Variants in CPD observed in about 807,000 individuals in gnomAD.
CPD encodes the protein metallocarboxypeptidase D.
A neutral mutation model predicts 138.3 loss-of-function variants in CPD; 69 were observed. That is an observed-to-expected ratio of 0.50 (90% CI 0.41 to 0.61). The LOEUF (loss-of-function observed/expected upper bound fraction) is 0.61, where lower values mean the gene tolerates loss of function less well. Among genes scored for constraint, CPD ranks in the 20% least tolerant of loss-of-function variants. The pLI is 0.00. For synonymous variants in CPD, 651 were observed against 642.1 expected (o/e 1.01, Z -0.21); for missense variants, 1,432 against 1,733.3 (o/e 0.83, Z 3.09).
intron 2 of CPD, among the ~76,000 whole-genome samples, chr17:30,394,804 CTT>C (rs1437801667): frequency 1.4e-4 from 21 of 151,940 alleles, no homozygotes; most frequent in African/African-American, 2.4e-4. Context: ...AAAGATATGA[CTT>C]TGAGGATTTT....
chr17:30,453,881 C>T (rs1284793131), intron 14 of CPD: 1 of 152,254 alleles, frequency 6.6e-6, no homozygotes, highest in African/African-American at 2.4e-5. Flanking sequence ...GGCTTCCACC[C>T]ATTGAAGCAA....
rs1390816011 is a variant in CPD, at chr17:30,439,391, TTTC to T, written c.2230+317_2230+319del. On this transcript the variant is annotated intron_variant, in intron 9 of 20. Coordinates refer to ENST00000225719, the MANE Select transcript of CPD (RefSeq NM_001304.5). Reference sequence around the variant, plus strand: ...TTCTTTTTTTTCTTTACAACGTTACTTTCTTTTTTTTTTTTTCTTTTCTTTTTT... The same window carrying T: ...TTCTTTTTTTTCTTTACAACGTTACTTTTTTTTTTTTTTCTTTTCTTTTTT... Among the ~76,000 whole-genome samples the T allele has an allele frequency of 2.7e-4, 24 of 90,378 alleles. No individual in the cohort carries two copies. The East Asian group carries it at 9.5e-3, about 36-fold the overall frequency. The allele number at this position is 90,378 out of a possible 152,430, so 59.3% of individuals were successfully genotyped here.
intron 2 of CPD, among the ~76,000 whole-genome samples, chr17:30,396,043 A>G (rs1911498856): frequency 6.6e-6 from 1 of 152,172 alleles, no homozygotes. Context: ...TTTTCCACCT[A>G]AAATTTTTTT....
chr17:30,422,619 A>T, intron 4 of CPD, 55 bp from the exon 5 acceptor site: 1 of 1,174,504 alleles, frequency 8.5e-7, no homozygotes, highest in Non-Finnish European at 1.2e-6. Flanking sequence ...TTATAATATT[A>T]AAGCATTGTA....
chr17:30,444,101 T>A, intron 11 of CPD, 130 bp downstream of exon 11: 2 of 827,264 alleles, frequency 2.4e-6, no homozygotes, highest in Non-Finnish European at 3.7e-6. Context: ...AGTTTAGGGC[T>A]GGTTATACCT....
chr17:30,465,413 C>T lies in CPD; in HGVS notation c.*599C>T, dbSNP rs1267486300. ...CTTTCTACCTGTTCCAAGGCTAGAT[C>T]GGAACTGGTAGACTACGCTGTAAGC... On this transcript the variant is annotated 3_prime_UTR_variant, in exon 21 of 21. Coordinates refer to ENST00000225719, the MANE Select transcript of CPD (RefSeq NM_001304.5). The T allele has an allele frequency of 2.0e-5, 3 of 153,126 alleles. No homozygotes were observed. Among genetic ancestry groups the T allele is most frequent in the Admixed American group, 6.5e-5 (1 of 15,322 alleles). 9.5% of individuals were successfully genotyped at this position (153,126 alleles called of 1,614,324 possible).
At chr17:30,400,824 ATT>A (rs778290874) in intron 2 of CPD, among the ~76,000 whole-genome samples, 24 of 125,742 alleles carry the variant, frequency 1.9e-4, no homozygotes, top group Admixed American at 3.1e-4. Flanking sequence ...CGCCCGGTTA[ATT>A]TTTTTTTTTT....
At chr17:30,436,799 C>A (rs1912715727) in intron 8 of CPD, among the ~76,000 whole-genome samples, 1 of 152,174 alleles carries the variant, frequency 6.6e-6, no homozygotes, top group Admixed American at 6.6e-5. Context: ...CATGTATTCA[C>A]ACAAAAACTT....
chr17:30,396,263 C>T (rs759554464), intron 2 of CPD, among the ~76,000 whole-genome samples: 6 of 151,940 alleles, frequency 3.9e-5, no homozygotes, highest in Non-Finnish European at 7.4e-5. Flanking sequence ...TATTCCTAGA[C>T]TTTAAAATGC....
At chr17:30,402,644 G>A (rs1911704404) in intron 2 of CPD, among the ~76,000 whole-genome samples, 1 of 152,198 alleles carries the variant, frequency 6.6e-6, no homozygotes, top group Non-Finnish European at 1.5e-5. Flanking sequence ...GGTTAGTCTG[G>A]TAATTCCAGC....
At chr17:30,434,598 G>A (rs1597724003) in intron 8 of CPD, among the ~76,000 whole-genome samples, 1 of 152,206 alleles carries the variant, frequency 6.6e-6, no homozygotes, top group East Asian at 1.9e-4. Flanking sequence ...AATTTAAAAG[G>A]AGAGGATGGT....
In CPD at chr17:30,445,908, C is replaced by T. The variant is rs192769344; in HGVS notation, c.2761C>T (p.Arg921Cys). 5.0e-6 allele frequency: 8 copies of T among 1,614,110 alleles called. No homozygotes were observed. Among genetic ancestry groups the T allele is most frequent in the East Asian group, 4.5e-5 (2 of 44,890 alleles). The change falls in exon 12 of 21, where the codon CGC becomes TGC. Residue 921 changes from arginine to cysteine, a missense_variant. By Grantham distance (180) the Arg-to-Cys change is radical. Around this residue, in one of 6 missense-constraint regions of CPD, gnomAD observed 124 missense variants for 117.0 expected, o/e 1.06. Coordinates refer to ENST00000225719, the MANE Select transcript of CPD (RefSeq NM_001304.5). ...AENGLESLML[R>C]SSSNLALALY... ...GAATGGTTTGGAAAGCCTCATGTTA[C>T]GCTCCTCCTCAAATCTGGCTCTGGC...
At chr17:30,388,282 A>ACCTCCCTTG (rs1911250721) in intron 2 of CPD, among the ~76,000 whole-genome samples, 1 of 151,882 alleles carries the variant, frequency 6.6e-6, no homozygotes, top group Non-Finnish European at 1.5e-5. Context: ...AGCCTTCAGG[A>ACCTCCCTTG]CCTCCCTGGC....
chr17:30,395,177 A>G (rs1172104646), intron 2 of CPD, among the ~76,000 whole-genome samples: 2 of 150,194 alleles, frequency 1.3e-5, no homozygotes, highest in Middle Eastern at 3.3e-3. Flanking sequence ...GAACATATAT[A>G]TAAATGAACA....
chr17:30,423,673 G>C lies in CPD; in HGVS notation c.1825G>C (p.Asp609His), dbSNP rs866671319. Residue 609 changes from aspartate to histidine, a missense_variant, in exon 6 of 21, where the codon GAT becomes CAT. This residue lies in a region of CPD where 297 missense variants were observed against 405.3 expected (regional missense o/e 0.73). Coordinates refer to ENST00000225719, the MANE Select transcript of CPD (RefSeq NM_001304.5). Reference protein sequence around the residue: ...RIHLMPSMNPDGYEKSQEGDS... With the variant: ...RIHLMPSMNPHGYEKSQEGDS... ...TCACCTTATGCCATCCATGAATCCTGATGGGTATGAAAAGTCCCAGGAAGG... is the reference window on the plus strand; with the variant it reads ...TCACCTTATGCCATCCATGAATCCTCATGGGTATGAAAAGTCCCAGGAAGG... 1 of 1,596,478 alleles carries C rather than the reference G, an allele frequency of 6.3e-7. No homozygotes were observed. Among genetic ancestry groups the C allele is most frequent in the Middle Eastern group, 1.7e-4 (1 of 6,008 alleles).
At chr17:30,464,435 A>T (rs1012780119) in intron 20 of CPD, among the ~76,000 whole-genome samples, 153 bp from the exon 21 acceptor site, 22 of 152,174 alleles carry the variant, frequency 1.4e-4, no homozygotes, top group African/African-American at 5.3e-4. Context: ...TATTGTACAT[A>T]TACTGCTTCT....
rs1911142943 is a variant in CPD, at chr17:30,385,053, C to T, written c.811C>T (p.Pro271Ser). ...AGCAAGCTATCCTTTTGATGATTCT[C>T]CAGAACATAAGGCCACTGGAATCTA... The part of the protein sequence containing the change: ...VVASYPFDDS[P>S]EHKATGIYSK... The change falls in exon 2 of 21, where the codon CCA becomes TCA. Residue 271 changes from proline to serine, a missense_variant. This residue lies in a region of CPD where 484 missense variants were observed against 477.2 expected (regional missense o/e 1.01). Transcript: ENST00000225719. 1.2e-6 allele frequency: 2 copies of T among 1,613,880 alleles called. No individual in the cohort carries two copies. The highest frequency in any genetic ancestry group is 1.7e-6 in the Non-Finnish European group (2 of 1,179,970).
Position 30,378,949 on chromosome 17 carries a change from A to C in CPD, c.-32A>C. 2 of 1,428,514 alleles carry C rather than the reference A, an allele frequency of 1.4e-6. No individual in the cohort carries two copies. The highest frequency in any genetic ancestry group is 1.8e-6 in the Non-Finnish European group (2 of 1,105,408). 88.5% of individuals were successfully genotyped at this position (1,428,514 alleles called of 1,614,324 possible). ...GCCGCCCGGAGCGCTGAGCCGCGGG[A>C]GCGGAGCCGGGGTTAGCGGCGCTGC... On this transcript the variant is annotated 5_prime_UTR_variant, in exon 1 of 21. Coordinates refer to ENST00000225719, the MANE Select transcript of CPD (RefSeq NM_001304.5).
intron 2 of CPD, among the ~76,000 whole-genome samples, chr17:30,386,428 C>CATATATATATATATATATATATATATAT (rs1206719489): frequency 1.3e-5 from 2 of 151,990 alleles, no homozygotes; most frequent in African/African-American, 4.8e-5. Context: ...TGTGGTAAAA[C>CATATATATATATATATATATATATATAT]ATACATATAT....
Sources: allele counts gnomAD v4.1 joint callset (sites outside exome capture counted in the v4.1 genomes callset), GRCh38; gene constraint gnomAD v4.1.1; regional missense constraint gnomAD v4.1.1; transcripts MANE v1.5; gene names NCBI Gene and HGNC (gene_info 2026-07-23, HGNC 2026-07-21).